VSTM2B: variants seen among roughly 807,000 people sequenced by gnomAD.
The protein encoded by VSTM2B is V-set and transmembrane domain-containing protein 2B.
Under a neutral mutation model 24.0 loss-of-function variants are expected in VSTM2B, and 24 were observed. The ratio of observed to expected loss-of-function variants is 1.00; its 90% CI spans 0.72 to 1.40. VSTM2B has a LOEUF of 1.40. VSTM2B is among the 40% of genes most tolerant of loss of function. The pLI is 0.00. For synonymous variants in VSTM2B, 226 were observed against 194.4 expected (o/e 1.16, Z -1.35); for missense variants, 399 against 416.4 (o/e 0.96, Z 0.36).
chr19:29,558,838 A>T (rs1028554306), intron 4 of VSTM2B, among the ~76,000 whole-genome samples: 1 of 152,242 alleles, frequency 6.6e-6, no homozygotes, highest in African/African-American at 2.4e-5. Flanking sequence ...AAACCTGCAC[A>T]TCATGCACAA....
At chr19:29,559,650 T>A (rs947287858) in intron 4 of VSTM2B, among the ~76,000 whole-genome samples, 2 of 152,222 alleles carry the variant, frequency 1.3e-5, no homozygotes, top group African/African-American at 2.4e-5. Flanking sequence ...AGAGATAGTT[T>A]GCCTTGCTTG....
chr19:29,562,642 G>GT (rs1368011274), intron 4 of VSTM2B, among the ~76,000 whole-genome samples: 3 of 152,186 alleles, frequency 2.0e-5, no homozygotes, highest in Non-Finnish European at 4.4e-5. Flanking sequence ...TCCCCCGGGG[G>GT]TTTTGGCAGC....
intron 4 of VSTM2B, among the ~76,000 whole-genome samples, chr19:29,546,908 C>T (rs1220373523): frequency 1.3e-5 from 2 of 152,180 alleles, no homozygotes; most frequent in African/African-American, 4.8e-5. Context: ...AAATCTCATC[C>T]CCCATTCTCC....
intron 4 of VSTM2B, among the ~76,000 whole-genome samples, chr19:29,546,807 T>C (rs1260356493): frequency 6.6e-6 from 1 of 152,220 alleles, no homozygotes; most frequent in African/African-American, 2.4e-5. Context: ...GGGGGCAAGA[T>C]GTTATCTCAA....
intron 4 of VSTM2B, among the ~76,000 whole-genome samples, chr19:29,551,365 G>T (rs901603294): frequency 1.3e-5 from 2 of 151,912 alleles, no homozygotes; most frequent in African/African-American, 4.8e-5. Flanking sequence ...TTGCTTTCTG[G>T]CAGGGATTTG....
At chr19:29,536,439 T>C (rs182528940) in intron 4 of VSTM2B, among the ~76,000 whole-genome samples, 30 of 152,364 alleles carry the variant, frequency 2.0e-4, no homozygotes, top group Admixed American at 1.5e-3. Flanking sequence ...CCAAATGGAA[T>C]GGCCTTTGTG....
intron 4 of VSTM2B, among the ~76,000 whole-genome samples, chr19:29,557,290 A>G (rs886827571): frequency 2.0e-5 from 3 of 152,248 alleles, no homozygotes; most frequent in African/African-American, 4.8e-5. Context: ...AGCAATGGGG[A>G]AAGGATTCCC....
chr19:29,540,645 GTTCA>G (rs1412470768), intron 4 of VSTM2B, among the ~76,000 whole-genome samples: 1 of 152,160 alleles, frequency 6.6e-6, no homozygotes, highest in Non-Finnish European at 1.5e-5. Context: ...CTTGGTACTA[GTTCA>G]TTCATTCATT....
intron 4 of VSTM2B, among the ~76,000 whole-genome samples, chr19:29,561,842 C>A (rs564760843): frequency 3.0e-4 from 46 of 152,290 alleles, no homozygotes; most frequent in African/African-American, 1.0e-3. Context: ...TGCCTGACAG[C>A]AAAGAATGAG....
chr19:29,532,570 G>A (rs1274921227), intron 4 of VSTM2B, among the ~76,000 whole-genome samples: 1 of 152,182 alleles, frequency 6.6e-6, no homozygotes, highest in East Asian at 1.9e-4. Flanking sequence ...GATTTGAAAG[G>A]CAGAAGTTCC....
intron 4 of VSTM2B, among the ~76,000 whole-genome samples, chr19:29,534,089 G>A (rs1252349924): frequency 6.6e-6 from 1 of 152,222 alleles, no homozygotes; most frequent in Admixed American, 6.5e-5. Context: ...AAGAGCGTAT[G>A]TACCAAGGTG....
chr19:29,532,729 T>G (rs1420750429), intron 4 of VSTM2B, among the ~76,000 whole-genome samples: 1 of 152,210 alleles, frequency 6.6e-6, no homozygotes, highest in Non-Finnish European at 1.5e-5. Context: ...ATGTTCATTA[T>G]TATCACCCTG....
rs1969564091 is a variant in VSTM2B at position 29,526,365 on chromosome 19, C to T, written c.-219C>T. The T allele has an allele frequency of 5.3e-6, 1 of 190,294 alleles. No homozygotes were observed. Among genetic ancestry groups the T allele is most frequent in the African/African-American group, 2.4e-5 (1 of 42,254 alleles). The allele number at this position is 190,294 out of a possible 1,614,324, so 11.8% of individuals were successfully genotyped here. ...GCAGCCTCCCGGTGGGACCGCGTCT[C>T]CTGCACACCCCGCGCAGCGCCCCCC... On this transcript the variant is annotated 5_prime_UTR_variant, in exon 1 of 5. Coordinates refer to ENST00000335523, the MANE Select transcript of VSTM2B (RefSeq NM_001146339.2). The surrounding 1 kb of genome is among the most constrained non-coding windows in gnomAD (Gnocchi z 4.1).
intron 3 of VSTM2B, chr19:29,529,055 G>A (rs1447846960): frequency 1.0e-6 from 1 of 985,362 alleles, no homozygotes; most frequent in African/African-American, 1.7e-5. Context: ...AGCGTAGAAA[G>A]GCCTGGAGAT....
At chr19:29,527,448 G>A in intron 2 of VSTM2B, 53 bp downstream of exon 2, 1 of 1,403,570 alleles carries the variant, frequency 7.1e-7, no homozygotes, top group African/African-American at 1.5e-5. Flanking sequence ...GCCCGGGGCG[G>A]CGAAGGCTAA....
chr19:29,552,995 T>C (rs1970321639), intron 4 of VSTM2B, among the ~76,000 whole-genome samples: 1 of 152,120 alleles, frequency 6.6e-6, no homozygotes, highest in African/African-American at 2.4e-5. Flanking sequence ...GGGAGGGGTG[T>C]CTGCGGTCTT....
intron 4 of VSTM2B, among the ~76,000 whole-genome samples, chr19:29,547,892 G>A (rs1232478116): frequency 6.6e-6 from 1 of 151,972 alleles, no homozygotes; most frequent in Non-Finnish European, 1.5e-5. Flanking sequence ...TTGAAGTGGG[G>A]GGATGGGGAA....
chr19:29,547,883 T>G, intron 4 of VSTM2B, among the ~76,000 whole-genome samples: 1 of 150,028 alleles, frequency 6.7e-6, no homozygotes, highest in Non-Finnish European at 1.5e-5. Flanking sequence ...ATGGTCAGAT[T>G]GAAGTGGGGG....
chr19:29,532,317 T>C (rs542468206), intron 4 of VSTM2B, among the ~76,000 whole-genome samples: 1 of 152,240 alleles, frequency 6.6e-6, no homozygotes, highest in Admixed American at 6.5e-5. Context: ...TAGTCCTTGG[T>C]GTGGCGGCTG....
Sources: allele counts gnomAD v4.1 joint callset (sites outside exome capture counted in the v4.1 genomes callset), GRCh38; gene constraint gnomAD v4.1.1; non-coding constraint Gnocchi (gnomAD v3.1); transcripts MANE v1.5; gene names NCBI Gene and HGNC (gene_info 2026-07-23, HGNC 2026-07-21).